MAN2A1: variants seen among roughly 807,000 people sequenced by gnomAD.
The protein encoded by MAN2A1 is mannosidase alpha class 2A member 1.
In MAN2A1, 76 loss-of-function variants were observed where a neutral mutation model predicts 142.6. The observed-to-expected ratio is 0.53, with a 90% CI of 0.44 to 0.65. The LOEUF (loss-of-function observed/expected upper bound fraction) is 0.65. Ranked by LOEUF, MAN2A1 falls within the 30% of genes least tolerant of loss-of-function variation. MAN2A1 has a pLI of 0.00. For synonymous variants in MAN2A1, 559 were observed against 473.2 expected (o/e 1.18, Z -2.35); for missense variants, 1,311 against 1,365.1 (o/e 0.96, Z 0.62).
Position 109,713,807 on chromosome 5 carries a change from T to G in MAN2A1, c.390+33T>G, listed in dbSNP as rs77912556. On this transcript the variant is annotated intron_variant, in intron 2 of 21. Coordinates refer to ENST00000261483, the MANE Select transcript of MAN2A1 (RefSeq NM_002372.4). ...ATACATTCGTTAATAATCACTGGCC[T>G]TTTTTTTTTTTTGTTCTTTTTAAGA... 8.1e-3 allele frequency: 4,161 copies of G among 511,202 alleles called. 4 individuals are homozygous for G. Among genetic ancestry groups the G allele is most frequent in the South Asian group, 0.034 (860 of 25,172 alleles). The allele number at this position is 511,202 out of a possible 1,614,324, so 31.7% of individuals were successfully genotyped here. A position where few individuals can be genotyped will look rare whatever the true frequency, so the allele number is the denominator to read the frequency against.
intron 5 of MAN2A1, among the ~76,000 whole-genome samples, chr5:109,760,462 A>G (rs1020114981): frequency 1.3e-5 from 2 of 152,080 alleles, no homozygotes; most frequent in Middle Eastern, 3.2e-3. Flanking sequence ...ATGTGTCTTT[A>G]TGGTTGAATG....
intron 19 of MAN2A1, among the ~76,000 whole-genome samples, chr5:109,850,067 A>C (rs1039526802): frequency 6.6e-6 from 1 of 152,138 alleles, no homozygotes; most frequent in African/African-American, 2.4e-5. Context: ...TGCTGCCTCC[A>C]AACTGTGCAT....
Position 109,716,214 on chromosome 5 carries a change from A to G in MAN2A1, c.485A>G (p.Asp162Gly). 1 of 1,611,310 alleles carries G rather than the reference A, an allele frequency of 6.2e-7. No homozygotes were observed. The highest frequency in any genetic ancestry group is 1.1e-5 in the South Asian group (1 of 90,648). Residue 162 changes from aspartate to glycine, a missense_variant, in exon 3 of 22, where the codon GAC (aspartate) becomes GGC (glycine). Physicochemically the swap from Asp to Gly is moderately conservative, Grantham distance 94 (BLOSUM62 -1). This residue lies in a region of MAN2A1 where 409 missense variants were observed against 412.7 expected (regional missense o/e 0.99). Transcript: ENST00000261483. ...ATTACTTATGAATCTAATGAATGGG[A>G]CACTGAACCCCTTCAAGTCTTTGTG... Reference protein sequence around the residue: ...FDITYESNEWDTEPLQVFVVP... With the variant: ...FDITYESNEWGTEPLQVFVVP...
At chr5:109,733,373 T>G (rs1337341073) in intron 4 of MAN2A1, among the ~76,000 whole-genome samples, 12 of 152,074 alleles carry the variant, frequency 7.9e-5, no homozygotes, top group East Asian at 5.8e-4. Flanking sequence ...CTGCCTAATT[T>G]CCCTGGCCAG....
At chr5:109,766,880 A>G (rs1173404177) in intron 5 of MAN2A1, among the ~76,000 whole-genome samples, 3 of 152,052 alleles carry the variant, frequency 2.0e-5, no homozygotes, top group Non-Finnish European at 4.4e-5. Flanking sequence ...TGTGAAATTG[A>G]GATATATCTT....
At chr5:109,690,783 C>CAT (rs1466764548) in intron 1 of MAN2A1, among the ~76,000 whole-genome samples, 39 of 152,190 alleles carry the variant, frequency 2.6e-4, no homozygotes, top group Non-Finnish European at 4.9e-4. Context: ...GCGGCATCAT[C>CAT]CCGCTCAGGA....
chr5:109,691,685 T>C (rs879582259), intron 1 of MAN2A1, among the ~76,000 whole-genome samples: 6 of 152,224 alleles, frequency 3.9e-5, no homozygotes, highest in Non-Finnish European at 8.8e-5. Flanking sequence ...GACCCTTTTA[T>C]GGATGCTGTC....
intron 16 of MAN2A1, among the ~76,000 whole-genome samples, chr5:109,829,067 A>G (rs553206657): frequency 1.5e-4 from 19 of 127,568 alleles, no homozygotes; most frequent in African/African-American, 5.7e-4. Flanking sequence ...AATATAAACT[A>G]TTTCTCAACA....
chr5:109,816,727 C>A (rs947586609), intron 12 of MAN2A1, among the ~76,000 whole-genome samples: 33 of 152,092 alleles, frequency 2.2e-4, no homozygotes, highest in African/African-American at 8.0e-4. Context: ...GTATGGAGCT[C>A]ATTCTTTTAA....
chr5:109,831,564 T>C (rs1754907011), intron 16 of MAN2A1, among the ~76,000 whole-genome samples: 1 of 152,204 alleles, frequency 6.6e-6, no homozygotes, highest in Non-Finnish European at 1.5e-5. Context: ...AGGATGTTAT[T>C]TTGGTGTATT....
intron 8 of MAN2A1, among the ~76,000 whole-genome samples, chr5:109,778,282 G>A (rs1753350258): frequency 6.6e-6 from 1 of 152,012 alleles, no homozygotes; most frequent in South Asian, 2.1e-4. Flanking sequence ...AGTTATTTGT[G>A]GATTCTTTAT....
intron 8 of MAN2A1, among the ~76,000 whole-genome samples, chr5:109,777,616 T>A (rs1266738750): frequency 6.6e-6 from 1 of 152,142 alleles, no homozygotes; most frequent in Non-Finnish European, 1.5e-5. Flanking sequence ...TTGTTCTGTT[T>A]GAAAAATTTT....
intron 13 of MAN2A1, among the ~76,000 whole-genome samples, chr5:109,818,212 C>T (rs772539387): frequency 3.9e-5 from 6 of 152,038 alleles, no homozygotes; most frequent in African/African-American, 7.2e-5. Flanking sequence ...GCGATCTCGG[C>T]GCACCGCAAC....
rs149243578 is a variant in MAN2A1, at chr5:109,857,397, G to C, written c.3171+2063G>C. Among the ~76,000 whole-genome samples, 265 of 152,302 alleles carry C rather than the reference G, an allele frequency of 1.7e-3. 1 individual carries two copies. Among genetic ancestry groups the C allele is most frequent in the African/African-American group, 6.2e-3 (256 of 41,578 alleles). Reference sequence around the variant, plus strand: ...TGAGCTAAAAGAAACAGAAAGAATAGAGTGGAGGGCATCAAATACTCTGGG... The same window carrying C: ...TGAGCTAAAAGAAACAGAAAGAATACAGTGGAGGGCATCAAATACTCTGGG... On this transcript the variant is annotated intron_variant, in intron 20 of 21. Coordinates refer to ENST00000261483, the MANE Select transcript of MAN2A1 (RefSeq NM_002372.4).
chr5:109,713,039 A>G (rs749124720), intron 1 of MAN2A1, among the ~76,000 whole-genome samples: 3 of 152,196 alleles, frequency 2.0e-5, no homozygotes, highest in African/African-American at 4.8e-5. Flanking sequence ...TGATTTTTCC[A>G]TAGATGATAT....
intron 12 of MAN2A1, among the ~76,000 whole-genome samples, chr5:109,796,642 G>C (rs1753870473): frequency 6.6e-6 from 1 of 152,190 alleles, no homozygotes. Flanking sequence ...AATTGCTGTT[G>C]GTGGTGGCAT....
At chr5:109,767,772 A>T in intron 6 of MAN2A1, 64 bp downstream of exon 6, 1 of 1,341,486 alleles carries the variant, frequency 7.5e-7, no homozygotes, top group Non-Finnish European at 1.0e-6. Context: ...AGGGTTATGA[A>T]CTCATGCCAC....
At chr5:109,728,517 G>A (rs766775206) in intron 3 of MAN2A1, among the ~76,000 whole-genome samples, 80 of 151,514 alleles carry the variant, frequency 5.3e-4, no homozygotes, top group Admixed American at 1.1e-3. Context: ...TTGCTTGGCC[G>A]TTTTAGTAGT....
At chr5:109,718,812 A>G (rs1751525213) in intron 3 of MAN2A1, among the ~76,000 whole-genome samples, 1 of 152,184 alleles carries the variant, frequency 6.6e-6, no homozygotes, top group Non-Finnish European at 1.5e-5. Context: ...GGGAATGCCT[A>G]GAATCATAAC....
Sources: allele counts gnomAD v4.1 joint callset (sites outside exome capture counted in the v4.1 genomes callset), GRCh38; gene constraint gnomAD v4.1.1; regional missense constraint gnomAD v4.1.1; transcripts MANE v1.5; gene names NCBI Gene and HGNC (gene_info 2026-07-23, HGNC 2026-07-21).